PAX9: variants seen among roughly 807,000 people sequenced by gnomAD.
PAX9 encodes the protein paired box protein Pax-9.
In PAX9, 6 loss-of-function variants were observed where a neutral mutation model predicts 29.1. The observed-to-expected ratio is 0.21, with a 90% CI of 0.11 to 0.41. The LOEUF is 0.41. PAX9 is among the 10% of genes least tolerant of loss of function. The pLI is 1.00. For synonymous variants in PAX9, 217 were observed against 211.7 expected, an observed-to-expected ratio of 1.03 and a Z score of -0.22; for missense variants, 443 against 479.1, an observed-to-expected ratio of 0.92 and a Z score of 0.70.
Position 36,676,743 on chromosome 14 carries a change from A to G in PAX9, c.*291A>G, listed in dbSNP as rs1050087400. 2.2e-6 allele frequency: 1 copy of G among 452,700 alleles called. No individual in the cohort carries two copies. The highest frequency in any genetic ancestry group is 4.1e-6 in the Non-Finnish European group (1 of 244,870). The allele number at this position is 452,700 out of a possible 1,614,324, so 28.0% of individuals were successfully genotyped here. A position where few individuals can be genotyped will look rare whatever the true frequency, so the allele number is the denominator to read the frequency against. ...CTGTCTTAACATAACAAAGAAACCT[A>G]CACCCCTCAAAGGGTTTAAGGAACT... On this transcript the variant is annotated 3_prime_UTR_variant, in exon 4 of 4. Coordinates refer to ENST00000361487, the MANE Select transcript of PAX9 (RefSeq NM_001372076.1).
chr14:36,666,467 G>A lies in PAX9; in HGVS notation c.637G>A (p.Asp213Asn). 1 of 1,610,718 alleles carries A rather than the reference G, an allele frequency of 6.2e-7. No homozygotes were observed. The change falls in exon 3 of 4, where the codon GAC becomes AAC. Residue 213 changes from aspartate (D) to asparagine (N), a missense_variant. Asp to Asn is a conservative substitution (Grantham distance 23). Around this residue, in one of 2 missense-constraint regions of PAX9, gnomAD observed 336 missense variants for 317.2 expected, o/e 1.06. Transcript: ENST00000361487. ...GIRSITDQVS[D>N]SSPYHSPKVE... ...CCCTCTCTTCTCTCCATCAGTGAGC[G>A]ACAGCTCCCCCTACCACAGCCCCAA...
intron 3 of PAX9, among the ~76,000 whole-genome samples, chr14:36,669,862 T>C (rs903919561): frequency 1.3e-5 from 2 of 152,224 alleles, no homozygotes; most frequent in East Asian, 3.9e-4. Context: ...TCTCTGAGGA[T>C]AGAATATTTA....
At chr14:36,659,364 C>A (rs1594463803), upstream of PAX9, among the ~76,000 whole-genome samples, 1 of 152,174 alleles carries the variant, frequency 6.6e-6, no homozygotes, top group African/African-American at 2.4e-5. Flanking sequence ...TCGGTCTCAG[C>A]GGGTCGCTGA....
chr14:36,662,716 A>G (rs1463478936), intron 1 of PAX9, 181 bp from the exon 2 acceptor site: 1 of 701,244 alleles, frequency 1.4e-6, no homozygotes, highest in Non-Finnish European at 2.3e-6. Context: ...GTCCGATTGG[A>G]CAGTGACGGT....
intron 3 of PAX9, among the ~76,000 whole-genome samples, chr14:36,672,529 G>A (rs915306191): frequency 6.6e-6 from 1 of 152,096 alleles, no homozygotes; most frequent in African/African-American, 2.4e-5. Flanking sequence ...AATGTTATGT[G>A]TCAAAATTAA....
intron 3 of PAX9, among the ~76,000 whole-genome samples, 192 bp downstream of exon 3, chr14:36,666,793 G>T (rs764894436): frequency 6.6e-6 from 1 of 152,230 alleles, no homozygotes; most frequent in Admixed American, 6.5e-5. Flanking sequence ...CGGAGCTGGG[G>T]CCTCGACCCC....
chr14:36,669,197 GA>G (rs1241424366), intron 3 of PAX9, among the ~76,000 whole-genome samples: 1 of 152,108 alleles, frequency 6.6e-6, no homozygotes, highest in Non-Finnish European at 1.5e-5. Flanking sequence ...GAGCAGTTTT[GA>G]ACTTTAGACA....
rs1194806393 is a variant in PAX9, at chr14:36,663,411, G to T, written c.519G>T (p.Val173=). Residue 173 remains valine, a synonymous_variant, in exon 2 of 4, where the codon GTG becomes GTT. Coordinates refer to ENST00000361487, the MANE Select transcript of PAX9 (RefSeq NM_001372076.1). Reference sequence around the variant, plus strand: ...CTATCACGGCGGCGGCCGCCAAGGTGCCCACGCCACCCGGGGTGCCTGCCA... The same window carrying T: ...CTATCACGGCGGCGGCCGCCAAGGTTCCCACGCCACCCGGGGTGCCTGCCA... ...PSPITAAAAK[V]PTPPGVPAIP... is the part of the protein sequence containing the mutation. 8.7e-6 allele frequency: 14 copies of T among 1,613,020 alleles called. No homozygotes were observed. The highest frequency in any genetic ancestry group is 9.3e-6 in the Non-Finnish European group (11 of 1,179,772).
Position 36,676,376 on chromosome 14 carries a change from T to A in PAX9, c.950T>A (p.Ile317Asn), listed in dbSNP as rs1160799367. ...TCATTGTCTCCCCACAACTGTGACA[T>A]TCCGGCATCGCTGGCGTTCAAGGGA... ...GTSLSPHNCD[I>N]PASLAFKGMQ... The change falls in exon 4 of 4, where the codon ATT becomes AAT. Residue 317 changes from isoleucine (I) to asparagine (N), a missense_variant. Ile to Asn is a moderately radical substitution (Grantham distance 149). Around this residue, in one of 2 missense-constraint regions of PAX9, gnomAD observed 336 missense variants for 317.2 expected, o/e 1.06. Transcript: ENST00000361487. 1.9e-6 allele frequency: 3 copies of A among 1,614,044 alleles called. No individual in the cohort carries two copies. The African/African-American group carries it at 4.0e-5, about 22-fold the overall frequency.
chr14:36,658,374 G>C, upstream of PAX9, among the ~76,000 whole-genome samples: 1 of 89,612 alleles, frequency 1.1e-5, no homozygotes, highest in Admixed American at 1.1e-4. Flanking sequence ...GGCCTCGCTT[G>C]GGGGGGGGGG....
At chr14:36,661,771 G>A (rs903101129), upstream of PAX9, 1 of 479,708 alleles carries the variant, frequency 2.1e-6, no homozygotes, top group Non-Finnish European at 3.7e-6. Context: ...TCACCGACCC[G>A]CACCAATCAC....
intron 3 of PAX9, among the ~76,000 whole-genome samples, chr14:36,672,992 A>G (rs1881752384): frequency 6.7e-6 from 1 of 149,076 alleles, no homozygotes; most frequent in South Asian, 2.1e-4. Context: ...CAGACTCCCA[A>G]GTAGCTGGGA....
intron 3 of PAX9, among the ~76,000 whole-genome samples, chr14:36,672,345 G>A (rs1433300923): frequency 6.6e-6 from 1 of 152,102 alleles, no homozygotes; most frequent in East Asian, 1.9e-4. Context: ...GCCCTTCACT[G>A]AAAACATTAA....
chr14:36,676,137 A>T, intron 3 of PAX9, 61 bp from the exon 4 acceptor site: 2 of 1,565,248 alleles, frequency 1.3e-6, no homozygotes, highest in Non-Finnish European at 8.8e-7. Context: ...CTTTCTAAGA[A>T]CGTGTGAAAT....
rs530641486 is a variant in PAX9 at position 36,679,258 on chromosome 14, G to A, written c.*2806G>A. 40 of 983,294 alleles carry A rather than the reference G, an allele frequency of 4.1e-5. No homozygotes were observed. Among genetic ancestry groups the A allele is most frequent in the Middle Eastern group, 5.2e-4 (1 of 1,910 alleles). 60.9% of individuals were successfully genotyped at this position (983,294 alleles called of 1,614,324 possible). On this transcript the variant is annotated 3_prime_UTR_variant, in exon 4 of 4. Coordinates refer to ENST00000361487, the MANE Select transcript of PAX9 (RefSeq NM_001372076.1). ...CTGAAATATAAATTTTAAAAAACAC[G>A]TTGGAAAGGATGTACAACAGAAGGC...
rs756550844 is a variant in PAX9, at chr14:36,663,210, G to A, written c.318G>A (p.Leu106=). ...GIFAWEIRDR[L]LADGVCDKYN... ...TCGCCTGGGAGATCCGGGACCGCCT[G>A]CTGGCGGACGGCGTGTGCGACAAGT... The change falls in exon 2 of 4, where the codon CTG becomes CTA. Residue 106 remains leucine, a synonymous_variant. Coordinates refer to ENST00000361487, the MANE Select transcript of PAX9 (RefSeq NM_001372076.1). 6.2e-7 allele frequency: 1 copy of A among 1,614,060 alleles called. No homozygotes were observed. Among genetic ancestry groups the A allele is most frequent in the Non-Finnish European group, 8.5e-7 (1 of 1,180,040 alleles).
chr14:36,665,973 C>G (rs1490471591), intron 2 of PAX9: 1 of 161,668 alleles, frequency 6.2e-6, no homozygotes, highest in African/African-American at 2.4e-5. Flanking sequence ...GTACCAGATC[C>G]CCACAGTGCA....
upstream of PAX9, among the ~76,000 whole-genome samples, chr14:36,659,226 A>G (rs1566463132): frequency 6.6e-6 from 1 of 152,086 alleles, no homozygotes; most frequent in Non-Finnish European, 1.5e-5. Context: ...CAGGCGGCAG[A>G]CTCCAGCTGA....
At chr14:36,664,902 G>C (rs1236101177) in intron 2 of PAX9, among the ~76,000 whole-genome samples, 1 of 152,142 alleles carries the variant, frequency 6.6e-6, no homozygotes, top group Non-Finnish European at 1.5e-5. Flanking sequence ...GCCATAGTTG[G>C]AGAGAGTTTG....
Sources: gnomAD v4.1 joint callset for allele counts (sites outside exome capture counted in the v4.1 genomes callset) on GRCh38, gnomAD v4.1.1 for gene constraint, gnomAD v4.1.1 regional missense constraint, MANE v1.5 for transcripts, NCBI Gene and HGNC (gene_info 2026-07-23, HGNC 2026-07-21) for gene names.